Variants in PLPPR1 observed in about 807,000 individuals in gnomAD.
The protein encoded by PLPPR1 is phospholipid phosphatase related 1.
Under a neutral mutation model 33.1 loss-of-function variants are expected in PLPPR1, and 10 were observed. The observed-to-expected ratio is 0.30, with a 90% CI of 0.19 to 0.51. PLPPR1 has a LOEUF of 0.51. PLPPR1 is among the 20% of genes least tolerant of loss of function. PLPPR1 has a pLI of 0.97. For missense variants in PLPPR1, 304 were observed against 408.1 expected, an observed-to-expected ratio of 0.74 and a Z score of 2.20; for synonymous variants, 151 against 151.0, an observed-to-expected ratio of 1.00 and a Z score of 0.00.
chr9:101,052,143 T>C (rs1830229679), intron 1 of PLPPR1, among the ~76,000 whole-genome samples: 1 of 152,224 alleles, frequency 6.6e-6, no homozygotes, highest in Non-Finnish European at 1.5e-5. Flanking sequence ...TGGTAAGGAT[T>C]AATAACATAA....
At chr9:101,286,277 G>A in intron 4 of PLPPR1, 41 bp downstream of exon 4, 2 of 1,548,728 alleles carry the variant, frequency 1.3e-6, no homozygotes, top group South Asian at 1.2e-5. Flanking sequence ...TCACATAAAA[G>A]TAAAATTACT....
chr9:101,090,561 G>A (rs1239326099), intron 1 of PLPPR1, among the ~76,000 whole-genome samples: 2 of 152,178 alleles, frequency 1.3e-5, no homozygotes, highest in East Asian at 3.9e-4. Context: ...AGTGCCAGTA[G>A]CCTCCTTCCA....
At chr9:101,209,812 G>A (rs1272558705) in intron 2 of PLPPR1, among the ~76,000 whole-genome samples, 1 of 152,196 alleles carries the variant, frequency 6.6e-6, no homozygotes, top group Non-Finnish European at 1.5e-5. Flanking sequence ...TTAGCGAGAA[G>A]TTTTAAAAAT....
chr9:101,321,202 A>G (rs906023315), intron 7 of PLPPR1, among the ~76,000 whole-genome samples: 1 of 152,214 alleles, frequency 6.6e-6, no homozygotes, highest in South Asian at 2.1e-4. Context: ...TACACATGAA[A>G]TCCATCCCAC....
intron 1 of PLPPR1, among the ~76,000 whole-genome samples, chr9:101,050,223 A>G (rs1325304286): frequency 2.0e-5 from 3 of 152,006 alleles, no homozygotes; most frequent in African/African-American, 7.2e-5. Flanking sequence ...AAGATTCCAG[A>G]AAATTCCAAG....
intron 1 of PLPPR1, among the ~76,000 whole-genome samples, chr9:101,097,114 A>G (rs1588026459): frequency 6.6e-6 from 1 of 152,208 alleles, no homozygotes; most frequent in East Asian, 1.9e-4. Context: ...CATCTAAGTC[A>G]GTGGATCTCA....
chr9:101,316,999 G>A (rs1410759485), intron 6 of PLPPR1, among the ~76,000 whole-genome samples: 2 of 152,162 alleles, frequency 1.3e-5, no homozygotes, highest in Non-Finnish European at 2.9e-5. Context: ...GGTGGGTTAA[G>A]TGAAATTGGA....
intron 1 of PLPPR1, among the ~76,000 whole-genome samples, chr9:101,136,363 C>T (rs79305933): frequency 0.052 from 7,864 of 152,220 alleles, 707 homozygotes; most frequent in African/African-American, 0.18. Flanking sequence ...TACACTAAAT[C>T]GGAGATCTCT....
At position 101,174,884 on chromosome 9, in the gene PLPPR1, T is replaced by C. The variant is rs376274000; in HGVS notation, c.-45-10566T>C. Among the ~76,000 whole-genome samples the C allele has an allele frequency of 1.3e-5, 2 of 152,196 alleles. 1 individual carries two copies. Among genetic ancestry groups the C allele is most frequent in the East Asian group, 3.8e-4 (2 of 5,198 alleles). On this transcript the variant is annotated intron_variant, in intron 1 of 7. Coordinates refer to ENST00000374874, the MANE Select transcript of PLPPR1 (RefSeq NM_207299.2). ...AAGAAACATCAGTGACTGTCAATAT[T>C]GATTTTTTCTTTGCTTTAAGTTCCT...
chr9:101,258,478 A>G (rs1827840629), intron 2 of PLPPR1, among the ~76,000 whole-genome samples: 1 of 152,162 alleles, frequency 6.6e-6, no homozygotes, highest in Non-Finnish European at 1.5e-5. Context: ...GTTTTACCAG[A>G]GAGACCTCAA....
At chr9:101,080,481 T>C (rs1295772269) in intron 1 of PLPPR1, among the ~76,000 whole-genome samples, 1 of 152,000 alleles carries the variant, frequency 6.6e-6, no homozygotes, top group East Asian at 1.9e-4. Context: ...TGCCACTGCA[T>C]TGCAGCCTGG....
rs377377516 is a variant in PLPPR1, at chr9:101,111,545, C to T, written c.-45-73905C>T. On this transcript the variant is annotated intron_variant, in intron 1 of 7. Coordinates refer to ENST00000374874, the MANE Select transcript of PLPPR1 (RefSeq NM_207299.2). ...TTCCTGTTATACCTATATTTGCATG[C>T]CTAAATAACATTAAATTATCAATGC... Among the ~76,000 whole-genome samples, 11 of 152,148 alleles carry T rather than the reference C, an allele frequency of 7.2e-5. No homozygotes were observed. The East Asian group carries it at 2.1e-3, about 29-fold the overall frequency.
intron 2 of PLPPR1, among the ~76,000 whole-genome samples, chr9:101,195,819 A>G (rs1350350039): frequency 1.3e-5 from 2 of 152,210 alleles, no homozygotes; most frequent in Admixed American, 6.5e-5. Context: ...AATTAGCATT[A>G]CAGTACTTTA....
rs544880057 is a variant in PLPPR1 at position 101,318,809 on chromosome 9, T to C, written c.945+1313T>C. ...AAAAACAAACAAACAAAAAAAACAC[T>C]GAAGACAGTGATGTTAGATTACCTG... is the stretch of plus-strand genomic sequence containing the variant. On this transcript the variant is annotated intron_variant, in intron 7 of 7. Coordinates refer to ENST00000374874, the MANE Select transcript of PLPPR1 (RefSeq NM_207299.2). 1.3e-3 allele frequency among the ~76,000 whole-genome samples: 202 copies of C among 151,880 alleles called. 1 individual carries two copies. The highest frequency in any genetic ancestry group is 4.7e-3 in the African/African-American group (193 of 41,386).
intron 2 of PLPPR1, among the ~76,000 whole-genome samples, chr9:101,265,639 G>A (rs188258370): frequency 7.2e-5 from 11 of 152,298 alleles, no homozygotes; most frequent in Admixed American, 2.6e-4. Context: ...CTCTGCTCAT[G>A]GAGACAGAAT....
chr9:101,056,805 AT>A (rs1201867621), intron 1 of PLPPR1, among the ~76,000 whole-genome samples: 1 of 152,104 alleles, frequency 6.6e-6, no homozygotes, highest in Non-Finnish European at 1.5e-5. Context: ...AGATAAGGAG[AT>A]TGTGATCATG....
chr9:101,322,902 C>T (rs1330363880), intron 7 of PLPPR1, among the ~76,000 whole-genome samples: 4 of 152,054 alleles, frequency 2.6e-5, no homozygotes, highest in Non-Finnish European at 4.4e-5. Flanking sequence ...GACCATGATA[C>T]AAGTCTCAAG....
intron 1 of PLPPR1, among the ~76,000 whole-genome samples, chr9:101,163,039 T>C (rs1053329320): frequency 8.5e-5 from 13 of 152,170 alleles, no homozygotes; most frequent in African/African-American, 2.7e-4. Flanking sequence ...ATTATTCATA[T>C]TTAAATCTTA....
intron 3 of PLPPR1, among the ~76,000 whole-genome samples, chr9:101,278,385 G>T (rs1464690390): frequency 6.6e-6 from 1 of 152,186 alleles, no homozygotes; most frequent in Non-Finnish European, 1.5e-5. Context: ...GAAACAACTT[G>T]AGCAGCTATC....
Sources: allele counts gnomAD v4.1 joint callset (sites outside exome capture counted in the v4.1 genomes callset), GRCh38; gene constraint gnomAD v4.1.1; transcripts MANE v1.5; gene names NCBI Gene and HGNC (gene_info 2026-07-23, HGNC 2026-07-21).